PAAF1: variants seen among roughly 807,000 people sequenced by gnomAD.
PAAF1 encodes proteasomal ATPase-associated factor 1.
A neutral mutation model predicts 52.8 loss-of-function variants in PAAF1; 46 were observed. The ratio of observed to expected loss-of-function variants is 0.87; its 90% CI spans 0.69 to 1.11. The LOEUF is 1.11. PAAF1 is among the 50% of genes most tolerant of loss of function. The probability of loss-of-function intolerance (pLI) is 0.00; values close to 1 mark genes in which losing one functional copy is unlikely to be tolerated. For missense variants in PAAF1, 424 were observed against 477.4 expected (o/e 0.89, Z 1.04); for synonymous variants, 178 against 172.8 (o/e 1.03, Z -0.24).
intron 3 of PAAF1, among the ~76,000 whole-genome samples, chr11:73,888,597 T>C (rs1305529514): frequency 6.6e-6 from 1 of 152,234 alleles, no homozygotes; most frequent in Non-Finnish European, 1.5e-5. Flanking sequence ...TAAAAAATAT[T>C]TTGGGTATAC....
chr11:73,908,335 A>ATGTGTATATATGTATATATC (rs1949824662), intron 6 of PAAF1, among the ~76,000 whole-genome samples: 1 of 112,114 alleles, frequency 8.9e-6, no homozygotes, highest in African/African-American at 3.2e-5. Flanking sequence ...ATGTATATAT[A>ATGTGTATATATGTATATATC]TGTGTATATA....
rs1950424022 is a variant in PAAF1 at position 73,929,253 on chromosome 11, G to A, written c.*1891G>A. On this transcript the variant is annotated 3_prime_UTR_variant, in exon 12 of 12. Transcript: ENST00000310571. Reference sequence around the variant, plus strand: ...TGTAGAGACAGAGTCTCACCATGTTGCCCAGGCTGGTCTCAAACTCCTGAA... The same window carrying A: ...TGTAGAGACAGAGTCTCACCATGTTACCCAGGCTGGTCTCAAACTCCTGAA... 6.6e-6 allele frequency: 1 copy of A among 152,048 alleles called. No homozygotes were observed. Among genetic ancestry groups the A allele is most frequent in the Admixed American group, 6.6e-5 (1 of 15,240 alleles). 9.4% of individuals were successfully genotyped at this position (152,048 alleles called of 1,614,324 possible).
chr11:73,900,256 T>G lies in PAAF1; in HGVS notation c.382-14T>G. The G allele has an allele frequency of 6.3e-7, 1 of 1,582,586 alleles. No individual in the cohort carries two copies. The highest frequency in any genetic ancestry group is 8.6e-7 in the Non-Finnish European group (1 of 1,158,140). On this transcript the variant is annotated splice_polypyrimidine_tract_variant and intron_variant, in intron 5 of 11. Transcript: ENST00000310571. ...ACAAGAGAACTAGCATGGAATTTTC[T>G]TTTGTTTTTCCAGAGAGTATTGGAA...
chr11:73,900,727 A>G (rs549283839), intron 6 of PAAF1, among the ~76,000 whole-genome samples: 4 of 152,216 alleles, frequency 2.6e-5, no homozygotes, highest in African/African-American at 9.6e-5. Context: ...TCACGCCTGT[A>G]ATCCCAGCAC....
chr11:73,896,665 C>T (rs1033534550), intron 4 of PAAF1, among the ~76,000 whole-genome samples: 5 of 152,176 alleles, frequency 3.3e-5, no homozygotes, highest in East Asian at 1.9e-4. Flanking sequence ...TTTCTTAGTA[C>T]GGAACAAAAT....
intron 2 of PAAF1, among the ~76,000 whole-genome samples, chr11:73,881,996 T>C (rs1948920859): frequency 6.6e-6 from 1 of 152,044 alleles, no homozygotes; most frequent in East Asian, 1.9e-4. Flanking sequence ...TGCCTCAGCC[T>C]CCCGAGTAGC....
In PAAF1 at chr11:73,930,068, AAAAG is replaced by A. The variant is rs1024302168; in HGVS notation, c.*2710_*2713del. On this transcript the variant is annotated 3_prime_UTR_variant, in exon 12 of 12. Coordinates refer to ENST00000310571, the MANE Select transcript of PAAF1 (RefSeq NM_025155.3). ...TGAAACTCCGTCTCAAAAAAAAAAAAAAAGAAAACAGGATGAAATGGGCCGGGCG... is the reference window on the plus strand; with the variant it reads ...TGAAACTCCGTCTCAAAAAAAAAAAAAAAACAGGATGAAATGGGCCGGGCG... 1.3e-5 allele frequency: 2 copies of A among 150,354 alleles called. No homozygotes were observed. The highest frequency in any genetic ancestry group is 4.9e-5 in the African/African-American group (2 of 40,424). 9.3% of individuals were successfully genotyped at this position (150,354 alleles called of 1,614,324 possible).
At chr11:73,908,460 A>G (rs1204940053) in intron 6 of PAAF1, among the ~76,000 whole-genome samples, 4 of 150,848 alleles carry the variant, frequency 2.7e-5, no homozygotes, top group Non-Finnish European at 5.9e-5. Flanking sequence ...GCTGGAGTGC[A>G]GTGGAGCAAT....
At chr11:73,898,212 A>AGGGGG (rs1949479786) in intron 4 of PAAF1, among the ~76,000 whole-genome samples, 1 of 77,574 alleles carries the variant, frequency 1.3e-5, no homozygotes, top group African/African-American at 4.9e-5. Flanking sequence ...GGGGGAGGGG[A>AGGGGG]AGGGGGAGGG....
intron 11 of PAAF1, among the ~76,000 whole-genome samples, chr11:73,926,319 T>A (rs1342286790): frequency 6.6e-6 from 1 of 152,216 alleles, no homozygotes; most frequent in Non-Finnish European, 1.5e-5. Flanking sequence ...TTGGTCAGGC[T>A]GGTCTTGAAC....
At chr11:73,886,672 CAAAAAAAA>C (rs55697916) in intron 2 of PAAF1, among the ~76,000 whole-genome samples, 7,595 of 33,958 alleles carry the variant, frequency 0.22, 327 homozygotes, top group East Asian at 0.42. Context: ...GACTCCATCT[CAAAAAAAA>C]AAAAAAAAAA....
chr11:73,914,496 A>T lies in PAAF1; in HGVS notation c.811A>T (p.Arg271Trp). 6.2e-7 allele frequency: 1 copy of T among 1,613,992 alleles called. No individual in the cohort carries two copies. The highest frequency in any genetic ancestry group is 8.5e-7 in the Non-Finnish European group (1 of 1,179,892). Residue 271 changes from arginine (R) to tryptophan (W), a missense_variant, in exon 8 of 12, where the codon AGG becomes TGG. By Grantham distance (101) the Arg-to-Trp change is moderately radical (BLOSUM62 -3). Coordinates refer to ENST00000310571, the MANE Select transcript of PAAF1 (RefSeq NM_025155.3). ...KKLQCLGLQS[R>W]QLVFLFIGSD... ...ACTTCAGTGCTTGGGACTACAGAGCAGGCAGCTGGCAAGTGGTTCCTATAT... is the reference window on the plus strand; with the variant it reads ...ACTTCAGTGCTTGGGACTACAGAGCTGGCAGCTGGCAAGTGGTTCCTATAT...
Position 73,923,629 on chromosome 11 carries a change from G to A in PAAF1, c.1019-986G>A, listed in dbSNP as rs546859436. ...TGGCTCACTGCAACCTCTGCTTCCCGGGTTCAAGCGATTCTCCTGCCTCAG... is the reference window on the plus strand; with the variant it reads ...TGGCTCACTGCAACCTCTGCTTCCCAGGTTCAAGCGATTCTCCTGCCTCAG... On this transcript the variant is annotated intron_variant, in intron 10 of 11. Coordinates refer to ENST00000310571, the MANE Select transcript of PAAF1 (RefSeq NM_025155.3). Among the ~76,000 whole-genome samples the A allele has an allele frequency of 2.2e-3, 339 of 152,186 alleles. 1 individual carries two copies. Among genetic ancestry groups the A allele is most frequent in the African/African-American group, 8.0e-3 (333 of 41,512 alleles).
chr11:73,892,729 G>C (rs7944702), intron 4 of PAAF1, among the ~76,000 whole-genome samples: 2 of 152,122 alleles, frequency 1.3e-5, no homozygotes, highest in African/African-American at 2.4e-5. Context: ...GTGCAGTCTC[G>C]GCTCACTGCA....
At chr11:73,921,090 A>G (rs900367769) in intron 10 of PAAF1, among the ~76,000 whole-genome samples, 2 of 152,074 alleles carry the variant, frequency 1.3e-5, no homozygotes, top group African/African-American at 4.8e-5. Context: ...AGCTGAGGTC[A>G]GGAGTTTAAG....
intron 4 of PAAF1, among the ~76,000 whole-genome samples, chr11:73,898,551 G>A (rs574477923): frequency 1.7e-3 from 257 of 152,134 alleles, no homozygotes; most frequent in African/African-American, 5.6e-3. Flanking sequence ...GGCTGGGCAC[G>A]GTGGCCTATA....
At chr11:73,916,323 T>C (rs553133221) in intron 8 of PAAF1, among the ~76,000 whole-genome samples, 8 of 152,296 alleles carry the variant, frequency 5.3e-5, no homozygotes, top group African/African-American at 9.6e-5. Flanking sequence ...GAGTATATTA[T>C]ATAACCTGCT....
chr11:73,891,631 T>C (rs1481998804), intron 4 of PAAF1, among the ~76,000 whole-genome samples: 1 of 151,642 alleles, frequency 6.6e-6, no homozygotes, highest in Non-Finnish European at 1.5e-5. Context: ...AAAAATTAGC[T>C]GAGCGTGGTG....
At chr11:73,907,843 TA>T (rs141635536) in intron 6 of PAAF1, among the ~76,000 whole-genome samples, 1,589 of 152,296 alleles carry the variant, frequency 0.01, 32 homozygotes, top group African/African-American at 0.035. Flanking sequence ...GTCTTTGGGC[TA>T]GGGGCAACAG....
Sources: allele counts gnomAD v4.1 joint callset (sites outside exome capture counted in the v4.1 genomes callset), GRCh38; gene constraint gnomAD v4.1.1; transcripts MANE v1.5; gene names NCBI Gene and HGNC (gene_info 2026-07-23, HGNC 2026-07-21).